Variants in TCF4 observed in about 807,000 individuals in gnomAD.
TCF4 encodes transcription factor 4.
Under a neutral mutation model 82.1 loss-of-function variants are expected in TCF4, and 3 were observed. The ratio of observed to expected loss-of-function variants is 0.04; its 90% CI spans 0.02 to 0.09. TCF4 has a LOEUF of 0.09. TCF4 is among the 10% of genes least tolerant of loss of function. The pLI is 1.00. For missense variants in TCF4, 518 were observed against 852.7 expected (o/e 0.61, Z 4.89); for synonymous variants, 276 against 309.6 (o/e 0.89, Z 1.14).
rs754713125 is a variant in TCF4, at chr18:55,305,879, A to C, written c.550-26223T>G. 5.9e-5 allele frequency among the ~76,000 whole-genome samples: 9 copies of C among 152,336 alleles called. No individual in the cohort carries two copies. In the South Asian group the frequency reaches 1.7e-3, roughly 28 times the overall value. On this transcript the variant is annotated intron_variant, in intron 8 of 19. Transcript: ENST00000354452. ...TTCAAAATAAATGATGAAATCAATA[A>C]GTAAATGAAGTAGTGTGTCACTCCC...
chr18:55,497,884 T>C (rs960345789), intron 3 of TCF4, among the ~76,000 whole-genome samples: 2 of 152,194 alleles, frequency 1.3e-5, no homozygotes, highest in African/African-American at 4.8e-5. Flanking sequence ...GACATCCACA[T>C]GAATACCAAA....
intron 3 of TCF4, among the ~76,000 whole-genome samples, chr18:55,499,566 G>A (rs1264296520): frequency 6.6e-6 from 1 of 152,108 alleles, no homozygotes; most frequent in African/African-American, 2.4e-5. Flanking sequence ...AATCAACTGG[G>A]GAGGTTTTAA....
chr18:55,401,832 A>C, intron 6 of TCF4: 3 of 970,412 alleles, frequency 3.1e-6, no homozygotes, highest in Non-Finnish European at 3.7e-6. Flanking sequence ...AATGACCAGA[A>C]AAAGGGGCCC....
intron 2 of TCF4, among the ~76,000 whole-genome samples, chr18:55,602,699 C>T (rs2097698366): frequency 6.6e-6 from 1 of 152,204 alleles, no homozygotes; most frequent in Admixed American, 6.5e-5. Flanking sequence ...TCCTGCTTCC[C>T]ATCTCTCTTA....
intron 8 of TCF4, among the ~76,000 whole-genome samples, chr18:55,301,345 T>C (rs1330548625): frequency 6.6e-6 from 1 of 152,230 alleles, no homozygotes; most frequent in Non-Finnish European, 1.5e-5. Flanking sequence ...GGCTCTCGCC[T>C]CTGCATGTAT....
At chr18:55,513,673 C>T (rs1259997528) in intron 3 of TCF4, among the ~76,000 whole-genome samples, 2 of 151,912 alleles carry the variant, frequency 1.3e-5, no homozygotes, top group Non-Finnish European at 2.9e-5. Flanking sequence ...ACGCAATAAC[C>T]TTTAATGGCA....
chr18:55,270,036 T>C (rs906893625), intron 10 of TCF4, 73 bp from the exon 11 acceptor site: 1 of 1,568,672 alleles, frequency 6.4e-7, no homozygotes, highest in African/African-American at 1.4e-5. Flanking sequence ...CAAATACTTT[T>C]CTCACAACTC....
At chr18:55,553,794 A>G (rs2097280497) in intron 3 of TCF4, among the ~76,000 whole-genome samples, 1 of 152,188 alleles carries the variant, frequency 6.6e-6, no homozygotes, top group African/African-American at 2.4e-5. Context: ...AAGTCCTAAA[A>G]TAAGACTCAC....
exon 1 of TCF4, chr18:55,635,842 A>T: frequency 6.4e-7 from 1 of 1,564,558 alleles, no homozygotes; most frequent in Non-Finnish European, 8.7e-7. Context: ...AATGATGAAG[A>T]TGAAGGGAAA....
At chr18:55,362,609 C>CA (rs1160558994) in intron 6 of TCF4, among the ~76,000 whole-genome samples, 1 of 152,136 alleles carries the variant, frequency 6.6e-6, no homozygotes, top group African/African-American at 2.4e-5. Context: ...TATTCACACA[C>CA]AAAACATTAT....
intron 5 of TCF4, among the ~76,000 whole-genome samples, chr18:55,455,545 A>G (rs960603030): frequency 5.9e-5 from 9 of 151,372 alleles, no homozygotes; most frequent in Admixed American, 2.0e-4. Flanking sequence ...AAAAAAAAAA[A>G]AAGAAGCACA....
chr18:55,326,350 T>G (rs1280588279), intron 8 of TCF4, among the ~76,000 whole-genome samples: 2 of 146,780 alleles, frequency 1.4e-5, no homozygotes, highest in Non-Finnish European at 3.0e-5. Flanking sequence ...TGCATTTCCT[T>G]GTGTCTCCTC....
chr18:55,338,638 G>A (rs1371790254), intron 8 of TCF4, among the ~76,000 whole-genome samples: 1 of 152,050 alleles, frequency 6.6e-6, no homozygotes. Flanking sequence ...GGAATATATG[G>A]GGTTCCCGAA....
At chr18:55,255,542 TGTATGTATTCATTTTAAAG>T (rs1380563387) in intron 14 of TCF4, among the ~76,000 whole-genome samples, 1 of 152,136 alleles carries the variant, frequency 6.6e-6, no homozygotes, top group African/African-American at 2.4e-5. Flanking sequence ...GTGAAGAAAA[TGTATGTATTCATTTTAAAG>T]GTATGTATTC....
At chr18:55,229,361 G>A (rs184014097) in intron 17 of TCF4, 1 of 471,540 alleles carries the variant, frequency 2.1e-6, no homozygotes, top group Admixed American at 3.4e-5. Flanking sequence ...GATACAGGGG[G>A]GCAGAAAGGG....
chr18:55,635,711 G>T, exon 1 of TCF4: 1 of 1,549,380 alleles, frequency 6.5e-7, no homozygotes, highest in Admixed American at 2.0e-5. Context: ...ACCTCCAAGG[G>T]CCTCCTGGAG....
chr18:55,332,445 A>G (rs1481986973), intron 8 of TCF4: 1 of 152,240 alleles, frequency 6.6e-6, no homozygotes, highest in Non-Finnish European at 1.5e-5. Flanking sequence ...ATCATATATT[A>G]CACTGTTATC....
At chr18:55,567,497 G>A (rs34533676) in intron 3 of TCF4, among the ~76,000 whole-genome samples, 9,847 of 152,224 alleles carry the variant, frequency 0.065, 560 homozygotes, top group Admixed American at 0.19. Context: ...TGGATCACTT[G>A]AGGTCAGGAG....
chr18:55,585,819 A>G, intron 2 of TCF4: 1 of 1,127,846 alleles, frequency 8.9e-7, no homozygotes, highest in Non-Finnish European at 1.1e-6. Context: ...ACCTGCACTA[A>G]ATTCTCATTT....
Sources: allele counts gnomAD v4.1 joint callset (sites outside exome capture counted in the v4.1 genomes callset), GRCh38; gene constraint gnomAD v4.1.1; transcripts MANE v1.5; gene names NCBI Gene and HGNC (gene_info 2026-07-23, HGNC 2026-07-21).